SLC7A14: variants seen among roughly 807,000 people sequenced by gnomAD.
The protein encoded by SLC7A14 is gamma-aminobutyric acid transporter SLC7A14.
Under a neutral mutation model 60.2 loss-of-function variants are expected in SLC7A14, and 37 were observed. The observed-to-expected ratio is 0.61, with a 90% confidence interval of 0.47 to 0.81. The LOEUF is 0.81. Among genes scored for constraint, SLC7A14 ranks in the 30% least tolerant of loss-of-function variants. The probability of loss-of-function intolerance (pLI) is 0.00; values close to 1 mark genes in which losing one functional copy is unlikely to be tolerated. For synonymous variants in SLC7A14, 399 were observed against 395.8 expected (o/e 1.01, Z -0.10); for missense variants, 886 against 982.7 (o/e 0.90, Z 1.32).
intron 1 of SLC7A14, among the ~76,000 whole-genome samples, chr3:170,528,905 A>G (rs958768826): frequency 2.0e-5 from 3 of 152,222 alleles, no homozygotes; most frequent in South Asian, 2.1e-4. Flanking sequence ...GTGTCTATTT[A>G]TTTCCACTCA....
chr3:170,523,737 G>T (rs993048812), intron 2 of SLC7A14, among the ~76,000 whole-genome samples: 3 of 152,162 alleles, frequency 2.0e-5, no homozygotes, highest in African/African-American at 7.2e-5. Context: ...AAAGGATGAA[G>T]ATATAGGAGA....
At chr3:170,468,204 C>A (rs1202460013) in intron 7 of SLC7A14, among the ~76,000 whole-genome samples, 2 of 152,158 alleles carry the variant, frequency 1.3e-5, no homozygotes, top group Non-Finnish European at 2.9e-5. Flanking sequence ...ACTTGCCCCC[C>A]TCGTTAATAT....
At position 170,460,775 on chromosome 3, in the gene SLC7A14, A is replaced by G. The variant is rs1405859560; in HGVS notation, c.*6280T>C. 1 of 152,050 alleles carries G rather than the reference A, an allele frequency of 6.6e-6. No homozygotes were observed. Among genetic ancestry groups the G allele is most frequent in the Non-Finnish European group, 1.5e-5 (1 of 68,016 alleles). 9.4% of individuals were successfully genotyped at this position (152,050 alleles called of 1,614,324 possible). On this transcript the variant is annotated 3_prime_UTR_variant, in exon 8 of 8. Transcript: ENST00000231706. ...CTAATATAAGCCATTTTCTTTCCTTATGTGTACCAACATGTACTAAATGTC... is the reference window on the plus strand; with the variant it reads ...CTAATATAAGCCATTTTCTTTCCTTGTGTGTACCAACATGTACTAAATGTC...
chr3:170,486,307 G>A lies in SLC7A14; in HGVS notation c.821C>T (p.Thr274Ile), dbSNP rs116040996. Residue 274 changes from threonine (T) to isoleucine (I), a missense_variant, in exon 5 of 8, where the codon ACT becomes ATT. Transcript: ENST00000231706. ...GTTGGGATTCTTGGCTTCCTCTCCA[G>A]TGGTGGCGATGATGTCAAAGCCAAT... ...AFIGFDIIAT[T>I]GEEAKNPNTS... 2.4e-3 allele frequency: 3,939 copies of A among 1,614,242 alleles called. 7 individuals carry two copies. The highest frequency in any genetic ancestry group is 2.8e-3 in the Non-Finnish European group (3,253 of 1,180,038).
At chr3:170,525,881 G>C (rs1266652532) in intron 2 of SLC7A14, among the ~76,000 whole-genome samples, 1 of 152,118 alleles carries the variant, frequency 6.6e-6, no homozygotes, top group Non-Finnish European at 1.5e-5. Context: ...CAGCAGCCTG[G>C]CCAACATGGT....
At chr3:170,531,457 T>G (rs1245736143) in intron 1 of SLC7A14, among the ~76,000 whole-genome samples, 14 of 152,002 alleles carry the variant, frequency 9.2e-5, no homozygotes, top group Admixed American at 9.2e-4. Context: ...TTAGAAACCG[T>G]ATTGAAAATG....
At chr3:170,576,895 G>A (rs1056009548) in intron 1 of SLC7A14, among the ~76,000 whole-genome samples, 19 of 152,144 alleles carry the variant, frequency 1.2e-4, no homozygotes, top group African/African-American at 4.3e-4. Flanking sequence ...TCAGGTTGAG[G>A]ACCATTAATT....
chr3:170,462,812 T>C lies in SLC7A14; in HGVS notation c.*4243A>G, dbSNP rs1008308164. The C allele has an allele frequency of 3.3e-5, 5 of 152,208 alleles. No homozygotes were observed. Among genetic ancestry groups the C allele is most frequent in the Admixed American group, 3.3e-4 (5 of 15,280 alleles). The allele number at this position is 152,208 out of a possible 1,614,324, so 9.4% of individuals were successfully genotyped here. On this transcript the variant is annotated 3_prime_UTR_variant, in exon 8 of 8. Coordinates refer to ENST00000231706, the MANE Select transcript of SLC7A14 (RefSeq NM_020949.3). ...TAGATTAGATAGATATAAAAAGTTG[T>C]TAGGTTTAGTTGTTGAAACCTATTG...
intron 2 of SLC7A14, among the ~76,000 whole-genome samples, chr3:170,517,574 G>A (rs1313542468): frequency 1.3e-5 from 2 of 152,210 alleles, no homozygotes; most frequent in African/African-American, 4.8e-5. Flanking sequence ...AAGGGAACCT[G>A]TCAGACTATA....
At chr3:170,566,853 C>A (rs554400905) in intron 1 of SLC7A14, among the ~76,000 whole-genome samples, 1 of 151,066 alleles carries the variant, frequency 6.6e-6, no homozygotes, top group Non-Finnish European at 1.5e-5. Flanking sequence ...CAAAACAAAA[C>A]GAAACAAACC....
Position 170,480,438 on chromosome 3 carries a change from A to T in SLC7A14, c.1844T>A (p.Ile615Asn). ...VLLISTLVFV[I>N]LQQPENPKKL... ...CTTGGGGTTCTCTGGCTGCTGCAGGATCACAAACACCAGGGTGCTGATCAG... is the reference window on the plus strand; with the variant it reads ...CTTGGGGTTCTCTGGCTGCTGCAGGTTCACAAACACCAGGGTGCTGATCAG... Residue 615 changes from isoleucine to asparagine, a missense_variant, in exon 7 of 8, where the codon ATC (isoleucine) becomes AAC (asparagine). Physicochemically the swap from Ile to Asn is moderately radical, Grantham distance 149 (BLOSUM62 -3). Coordinates refer to ENST00000231706, the MANE Select transcript of SLC7A14 (RefSeq NM_020949.3). The T allele has an allele frequency of 6.2e-7, 1 of 1,613,722 alleles. No individual in the cohort carries two copies. Among genetic ancestry groups the T allele is most frequent in the African/African-American group, 1.3e-5 (1 of 75,030 alleles).
chr3:170,517,205 T>C (rs1237338242), intron 2 of SLC7A14, among the ~76,000 whole-genome samples: 1 of 152,240 alleles, frequency 6.6e-6, no homozygotes, highest in African/African-American at 2.4e-5. Context: ...GCTTGCTAAA[T>C]TATATCTTAG....
chr3:170,486,509 C>T (rs879407447), intron 4 of SLC7A14, 141 bp from the exon 5 acceptor site: 25 of 1,026,448 alleles, frequency 2.4e-5, no homozygotes, highest in Middle Eastern at 2.6e-4. Context: ...GTGCTAAACA[C>T]GCAGGTTCTG....
At chr3:170,565,539 C>T (rs999646821) in intron 1 of SLC7A14, among the ~76,000 whole-genome samples, 5 of 152,124 alleles carry the variant, frequency 3.3e-5, no homozygotes, top group African/African-American at 9.7e-5. Flanking sequence ...AAAGGGGTGA[C>T]AACAGCCTCC....
intron 1 of SLC7A14, among the ~76,000 whole-genome samples, chr3:170,572,060 CAAAAAAAAAA>C (rs765897392): frequency 5.0e-5 from 4 of 80,712 alleles, no homozygotes; most frequent in African/African-American, 8.7e-5. Context: ...GACTCTGTCT[CAAAAAAAAAA>C]AAAAAAAAAA....
At position 170,508,229 on chromosome 3, in the gene SLC7A14, A is replaced by G. The variant is rs180792851; in HGVS notation, c.305-6884T>C. On this transcript the variant is annotated intron_variant, in intron 2 of 7. Transcript: ENST00000231706. ...ATGGAGGAAACAGACCAGAAAACCAACCAACCAGAAAGACTGTCCAAAAGG... is the reference window on the plus strand; with the variant it reads ...ATGGAGGAAACAGACCAGAAAACCAGCCAACCAGAAAGACTGTCCAAAAGG... 4.2e-3 allele frequency among the ~76,000 whole-genome samples: 634 copies of G among 152,306 alleles called. 2 individuals are homozygous for G. Among genetic ancestry groups the G allele is most frequent in the Non-Finnish European group, 7.3e-3 (499 of 68,018 alleles).
At chr3:170,575,834 T>C (rs887447539) in intron 1 of SLC7A14, among the ~76,000 whole-genome samples, 1 of 152,216 alleles carries the variant, frequency 6.6e-6, no homozygotes, top group Non-Finnish European at 1.5e-5. Context: ...TTGGACTCCA[T>C]GAGCCCTGAA....
At chr3:170,558,886 C>T (rs1426718143) in intron 1 of SLC7A14, among the ~76,000 whole-genome samples, 1 of 152,108 alleles carries the variant, frequency 6.6e-6, no homozygotes, top group East Asian at 1.9e-4. Flanking sequence ...GGTGGTCATT[C>T]CTTCCTGTTA....
At chr3:170,561,098 T>G (rs1195717681) in intron 1 of SLC7A14, among the ~76,000 whole-genome samples, 2 of 152,188 alleles carry the variant, frequency 1.3e-5, no homozygotes, top group African/African-American at 4.8e-5. Context: ...TCCTTCTGAC[T>G]CTTTCCTCTC....
Sources: gnomAD v4.1 joint callset for allele counts (sites outside exome capture counted in the v4.1 genomes callset) on GRCh38, gnomAD v4.1.1 for gene constraint, MANE v1.5 for transcripts, NCBI Gene and HGNC (gene_info 2026-07-23, HGNC 2026-07-21) for gene names.